MOBP: variants seen among roughly 807,000 people sequenced by gnomAD.
The protein encoded by MOBP is myelin associated oligodendrocyte basic protein.
A neutral mutation model predicts 15.0 loss-of-function variants in MOBP; 5 were observed. The ratio of observed to expected loss-of-function variants is 0.33; its 90% confidence interval spans 0.17 to 0.70. The LOEUF is 0.70. Among genes scored for constraint, MOBP ranks in the 30% least tolerant of loss-of-function variants. MOBP has a pLI of 0.67. For missense variants in MOBP, 188 were observed against 257.8 expected, an observed-to-expected ratio of 0.73 and a Z score of 1.85; for synonymous variants, 88 against 99.0, an observed-to-expected ratio of 0.89 and a Z score of 0.66.
rs2042979494 is a variant in MOBP at position 39,502,124 on chromosome 3, T to C, written c.55T>C (p.Ser19Pro). ...GPRLSKNQKY[S>P]EHFSIHCCPP... Reference sequence around the variant, plus strand: ...CAGACTCTCCAAAAACCAGAAGTACTCCGAACACTTCAGCATACACTGCTG... The same window carrying C: ...CAGACTCTCCAAAAACCAGAAGTACCCCGAACACTTCAGCATACACTGCTG... The change falls in exon 3 of 4, where the codon TCC (serine) becomes CCC (proline). Residue 19 changes from serine to proline, a missense_variant. Physicochemically the swap from Ser to Pro is moderately conservative, Grantham distance 74. Coordinates refer to ENST00000684792, the MANE Select transcript of MOBP (RefSeq NM_001393704.1). The surrounding 1 kb of genome is among the most constrained non-coding windows in gnomAD (Gnocchi z 6.3). 1 of 1,614,046 alleles carries C rather than the reference T, an allele frequency of 6.2e-7. No individual in the cohort carries two copies. Among genetic ancestry groups the C allele is most frequent in the African/African-American group, 1.3e-5 (1 of 74,904 alleles).
In MOBP at chr3:39,502,412, A is replaced by G. The variant is rs2042985651; in HGVS notation, c.207-123A>G. On this transcript the variant is annotated intron_variant, in intron 3 of 3. Transcript: ENST00000684792. This position sits in a 1 kb window ranked among gnomAD's most constrained non-coding sequence, Gnocchi z 6.3. ...AGGCTCCGACACCGGAAGGCACTCC[A>G]GGGAGACTGGAAGGTGGGTGGGGGA... 1.3e-6 allele frequency: 2 copies of G among 1,526,706 alleles called. No individual in the cohort carries two copies. The allele number at this position is 1,526,706 out of a possible 1,614,324, so 94.6% of individuals were successfully genotyped here.
intron 4 of MOBP, among the ~76,000 whole-genome samples, chr3:39,508,086 A>G (rs776938125): frequency 1.3e-4 from 20 of 152,226 alleles, no homozygotes; most frequent in Non-Finnish European, 2.1e-4. Context: ...GCAGGACGAT[A>G]GTAGCTGGGT....
At chr3:39,518,465 C>T (rs549826873), downstream of MOBP, among the ~76,000 whole-genome samples, 10 of 152,168 alleles carry the variant, frequency 6.6e-5, no homozygotes, top group South Asian at 2.1e-4. Context: ...GTTAATGATG[C>T]GTATTTCTGA....
downstream of MOBP, among the ~76,000 whole-genome samples, chr3:39,519,782 G>C (rs1046624532): frequency 2.6e-5 from 4 of 152,080 alleles, no homozygotes; most frequent in Non-Finnish European, 5.9e-5. Context: ...CACTGCCTCA[G>C]TAGGTAGGGG....
downstream of MOBP, among the ~76,000 whole-genome samples, chr3:39,507,052 C>T (rs935271336): frequency 1.3e-5 from 2 of 152,158 alleles, no homozygotes; most frequent in Non-Finnish European, 1.5e-5. Context: ...ACCTTGAGGT[C>T]CCCTAGGGTT....
At chr3:39,517,694 G>A (rs1268999515), downstream of MOBP, 2 of 152,182 alleles carry the variant, frequency 1.3e-5, no homozygotes, top group African/African-American at 2.4e-5. Flanking sequence ...TGGTATTTCA[G>A]TGACTACTCA....
At chr3:39,528,428 T>C (rs546972708), downstream of MOBP, 3 of 152,268 alleles carry the variant, frequency 2.0e-5, no homozygotes, top group Non-Finnish European at 4.4e-5. Flanking sequence ...GAATTCTAGA[T>C]GTTGAGAGAA....
intron 3 of MOBP, among the ~76,000 whole-genome samples, chr3:39,522,263 A>T (rs1284850033): frequency 6.6e-6 from 1 of 152,254 alleles, no homozygotes; most frequent in Non-Finnish European, 1.5e-5. Flanking sequence ...GCTTGCATGT[A>T]GATAGAGCTC....
chr3:39,468,674 A>G (rs1306515351), intron 1 of MOBP, among the ~76,000 whole-genome samples: 1 of 151,842 alleles, frequency 6.6e-6, no homozygotes, highest in African/African-American at 2.4e-5. Flanking sequence ...GGGTGTATAT[A>G]TAAAAATATG....
chr3:39,473,323 G>A (rs553578746), intron 1 of MOBP, among the ~76,000 whole-genome samples: 3 of 152,336 alleles, frequency 2.0e-5, no homozygotes, highest in South Asian at 4.1e-4. Context: ...GGAGGAGGGG[G>A]AACATGGGGA....
intron 2 of MOBP, among the ~76,000 whole-genome samples, chr3:39,489,160 A>G (rs1215251920): frequency 1.3e-5 from 2 of 152,148 alleles, no homozygotes; most frequent in African/African-American, 2.4e-5. Flanking sequence ...GGTGGCTCCC[A>G]CATATCTTTT....
At chr3:39,501,249 C>G (rs1233261190) in intron 2 of MOBP, among the ~76,000 whole-genome samples, 1 of 152,198 alleles carries the variant, frequency 6.6e-6, no homozygotes, top group Non-Finnish European at 1.5e-5. Context: ...CAACCTGACC[C>G]TGAGTTTGTT....
intron 2 of MOBP, among the ~76,000 whole-genome samples, chr3:39,480,975 C>G (rs17038918): frequency 0.13 from 19,977 of 152,212 alleles, 1,468 homozygotes; most frequent in Middle Eastern, 0.2. Flanking sequence ...TTCTAGTTGA[C>G]TTGCCCTTTC....
At chr3:39,479,393 CTTT>C (rs34813360) in intron 1 of MOBP, among the ~76,000 whole-genome samples, 1 of 136,282 alleles carries the variant, frequency 7.3e-6, no homozygotes. Context: ...CTTATAAGAC[CTTT>C]TTTTTTTTTT....
intron 3 of MOBP, among the ~76,000 whole-genome samples, chr3:39,523,778 C>A (rs894948933): frequency 6.6e-6 from 1 of 152,096 alleles, no homozygotes; most frequent in African/African-American, 2.4e-5. Context: ...AAGAACACTG[C>A]AATCTTGGAA....
chr3:39,516,178 A>T (rs1335185539), downstream of MOBP, among the ~76,000 whole-genome samples: 1 of 152,062 alleles, frequency 6.6e-6, no homozygotes, highest in Non-Finnish European at 1.5e-5. Context: ...TGTAGATGCA[A>T]TTTTCTCCAC....
At chr3:39,505,754 C>G (rs1463865975), downstream of MOBP, among the ~76,000 whole-genome samples, 2 of 152,192 alleles carry the variant, frequency 1.3e-5, no homozygotes, top group African/African-American at 4.8e-5. Flanking sequence ...ACCCAATTGT[C>G]TCTCATTCTC....
chr3:39,483,248 A>G (rs1414753312), intron 2 of MOBP, among the ~76,000 whole-genome samples: 2 of 152,224 alleles, frequency 1.3e-5, no homozygotes, highest in Non-Finnish European at 2.9e-5. Flanking sequence ...GTTTTAATAT[A>G]ACATGGTAAA....
intron 2 of MOBP, among the ~76,000 whole-genome samples, chr3:39,493,173 A>C (rs1351868563): frequency 6.6e-6 from 1 of 152,180 alleles, no homozygotes; most frequent in Non-Finnish European, 1.5e-5. Context: ...GGTGGGAAGA[A>C]GGGCAAAAAA....
Sources: gnomAD v4.1 joint callset for allele counts (sites outside exome capture counted in the v4.1 genomes callset) on GRCh38, gnomAD v4.1.1 for gene constraint, Gnocchi (gnomAD v3.1) non-coding constraint, MANE v1.5 for transcripts, NCBI Gene and HGNC (gene_info 2026-07-23, HGNC 2026-07-21) for gene names.